Variants in MCF2L2 observed in about 807,000 individuals in gnomAD.
The protein encoded by MCF2L2 is MCF.2 cell line derived transforming sequence-like 2.
Under a neutral mutation model 150.2 loss-of-function variants are expected in MCF2L2, and 102 were observed. The ratio of observed to expected loss-of-function variants is 0.68; its 90% confidence interval spans 0.58 to 0.80. The LOEUF is 0.80. Ranked by LOEUF, MCF2L2 falls within the 30% of genes least tolerant of loss-of-function variation. MCF2L2 has a pLI of 0.00. For missense variants in MCF2L2, 1,256 were observed against 1,372.8 expected (o/e 0.91, Z 1.34); for synonymous variants, 465 against 491.3 (o/e 0.95, Z 0.71).
chr3:183,271,911 G>A (rs577487727), intron 15 of MCF2L2: 4 of 167,648 alleles, frequency 2.4e-5, no homozygotes, highest in African/African-American at 9.7e-5. Flanking sequence ...CTAAATCCTT[G>A]TACTGATTAC....
intron 26 of MCF2L2, among the ~76,000 whole-genome samples, chr3:183,194,585 A>G (rs982667935): frequency 1.3e-5 from 2 of 152,102 alleles, no homozygotes; most frequent in Non-Finnish European, 2.9e-5. Context: ...TAGAAAGCTC[A>G]AGAAAACAGC....
chr3:183,353,313 C>T (rs926580643), intron 3 of MCF2L2, among the ~76,000 whole-genome samples: 3 of 152,118 alleles, frequency 2.0e-5, no homozygotes, highest in Admixed American at 1.3e-4. Flanking sequence ...ATGGTCAATG[C>T]CTTAGTTCCG....
intron 15 of MCF2L2, among the ~76,000 whole-genome samples, chr3:183,241,655 T>C (rs773310108): frequency 6.6e-6 from 1 of 152,216 alleles, no homozygotes; most frequent in Non-Finnish European, 1.5e-5. Context: ...CTTTATAAAT[T>C]ACCCAGTCTC....
At chr3:183,279,365 T>G (rs1415259902) in intron 14 of MCF2L2, among the ~76,000 whole-genome samples, 1 of 152,242 alleles carries the variant, frequency 6.6e-6, no homozygotes, top group Non-Finnish European at 1.5e-5. Context: ...AAACCTTTCT[T>G]TTATTCAAAT....
At chr3:183,315,100 C>T in intron 7 of MCF2L2, among the ~76,000 whole-genome samples, 1 of 148,348 alleles carries the variant, frequency 6.7e-6, no homozygotes, top group Non-Finnish European at 1.5e-5. Context: ...CCATTCCCGG[C>T]TAATTTTTGT....
chr3:183,228,528 T>C (rs1406050148), intron 17 of MCF2L2, among the ~76,000 whole-genome samples, 162 bp from the exon 18 acceptor site: 1 of 152,162 alleles, frequency 6.6e-6, no homozygotes, highest in Admixed American at 6.6e-5. Context: ...AAAAAAGCTG[T>C]ATTCTGAGGT....
chr3:183,294,990 T>G (rs1194266528), intron 13 of MCF2L2, among the ~76,000 whole-genome samples: 1 of 151,840 alleles, frequency 6.6e-6, no homozygotes, highest in Admixed American at 6.6e-5. Context: ...CTCGAATTCC[T>G]GACCTCAGAT....
chr3:183,360,079 C>T (rs1347637450), intron 3 of MCF2L2, among the ~76,000 whole-genome samples: 1 of 152,176 alleles, frequency 6.6e-6, no homozygotes, highest in Non-Finnish European at 1.5e-5. Context: ...AAAGACGATG[C>T]TGTTAACACT....
chr3:183,270,898 A>T lies in MCF2L2; in HGVS notation c.1862+5974T>A. 1 of 1,605,216 alleles carries T rather than the reference A, an allele frequency of 6.2e-7. No individual in the cohort carries two copies. Reference sequence around the variant, plus strand: ...ATAATTCTCCTTTGTAAAATTAGCTATGTGGACACATACCCTTGTAGGGCT... The same window carrying T: ...ATAATTCTCCTTTGTAAAATTAGCTTTGTGGACACATACCCTTGTAGGGCT... On this transcript the variant is annotated intron_variant, in intron 15 of 29. Transcript: ENST00000328913. The surrounding 1 kb of genome is among the most constrained non-coding windows in gnomAD (Gnocchi z 4.5).
At chr3:183,241,003 G>A (rs894548147) in intron 15 of MCF2L2, among the ~76,000 whole-genome samples, 1 of 152,178 alleles carries the variant, frequency 6.6e-6, no homozygotes, top group Non-Finnish European at 1.5e-5. Flanking sequence ...ATAGAGAAAT[G>A]TACCATAATC....
intron 15 of MCF2L2, among the ~76,000 whole-genome samples, chr3:183,263,158 G>GTAA (rs1725777610): frequency 6.6e-6 from 1 of 152,136 alleles, no homozygotes; most frequent in Non-Finnish European, 1.5e-5. Context: ...GTGAAGCCAT[G>GTAA]TAAACAACTT....
chr3:183,320,469 C>T (rs999511011), intron 6 of MCF2L2, among the ~76,000 whole-genome samples: 6 of 152,138 alleles, frequency 3.9e-5, no homozygotes, highest in African/African-American at 1.4e-4. Flanking sequence ...CAGCACCTTG[C>T]ACTTGTATGT....
intron 20 of MCF2L2, 117 bp from the exon 21 acceptor site, chr3:183,220,041 C>A: frequency 1.3e-6 from 1 of 742,184 alleles, no homozygotes; most frequent in Non-Finnish European, 2.4e-6. Flanking sequence ...TGACTGAGAA[C>A]GTGTGTAAAT....
At chr3:183,258,868 G>A (rs1226536215) in intron 15 of MCF2L2, among the ~76,000 whole-genome samples, 1 of 152,076 alleles carries the variant, frequency 6.6e-6, no homozygotes, top group Non-Finnish European at 1.5e-5. Context: ...GGGATTACAA[G>A]TATGAGCTAC....
intron 22 of MCF2L2, 116 bp downstream of exon 22, chr3:183,215,853 A>G (rs907091477): frequency 2.4e-5 from 31 of 1,273,058 alleles, no homozygotes; most frequent in African/African-American, 2.3e-4. Context: ...GACTGTCCTC[A>G]GAGTCCAATT....
intron 15 of MCF2L2, among the ~76,000 whole-genome samples, chr3:183,273,734 T>C (rs1371875858): frequency 6.6e-6 from 1 of 152,216 alleles, no homozygotes; most frequent in Non-Finnish European, 1.5e-5. Context: ...TTTAGATGTG[T>C]TTAGATACAC....
chr3:183,187,371 T>C (rs955968028), intron 27 of MCF2L2, among the ~76,000 whole-genome samples: 2 of 152,230 alleles, frequency 1.3e-5, no homozygotes, highest in Admixed American at 6.5e-5. Context: ...GCCAGAACTT[T>C]GCAAATCAGA....
chr3:183,261,852 T>C (rs927281246), intron 15 of MCF2L2, among the ~76,000 whole-genome samples: 5 of 151,596 alleles, frequency 3.3e-5, no homozygotes, highest in African/African-American at 9.7e-5. Context: ...GAGAGGATGA[T>C]TTTATGGTAG....
chr3:183,210,908 C>T (rs965592701), intron 22 of MCF2L2, among the ~76,000 whole-genome samples: 1 of 152,028 alleles, frequency 6.6e-6, no homozygotes, highest in Non-Finnish European at 1.5e-5. Context: ...ACCATAGGGC[C>T]CCCAGCATAA....
Sources: allele counts gnomAD v4.1 joint callset (sites outside exome capture counted in the v4.1 genomes callset), GRCh38; gene constraint gnomAD v4.1.1; non-coding constraint Gnocchi (gnomAD v3.1); transcripts MANE v1.5; gene names NCBI Gene and HGNC (gene_info 2026-07-23, HGNC 2026-07-21).